HDAC4: variants seen among roughly 807,000 people sequenced by gnomAD.
The protein encoded by HDAC4 is histone deacetylase 4, also known as histone deacetylase A.
Under a neutral mutation model 135.1 loss-of-function variants are expected in HDAC4, and 16 were observed. The ratio of observed to expected loss-of-function variants is 0.12; its 90% CI spans 0.08 to 0.18. The LOEUF (loss-of-function observed/expected upper bound fraction) is 0.18, where lower values mean the gene tolerates loss of function less well. Among genes scored for constraint, HDAC4 ranks in the 10% least tolerant of loss-of-function variants. HDAC4 has a pLI of 1.00. For synonymous variants in HDAC4, 685 were observed against 653.4 expected (o/e 1.05, Z -0.74); for missense variants, 1,143 against 1,511.8 (o/e 0.76, Z 4.05).
chr2:239,083,181 G>T lies in HDAC4; in HGVS notation c.2533-960C>A, dbSNP rs2152691142. ...GGCAATATCACAGCTCAGCGCGCAG[G>T]GAGCACGCCACACAGGGTCTACGCA... On this transcript the variant is annotated intron_variant, in intron 20 of 26. Coordinates refer to ENST00000543185, the MANE Select transcript of HDAC4 (RefSeq NM_001378414.1). 2.0e-5 allele frequency among the ~76,000 whole-genome samples: 3 copies of T among 152,230 alleles called. No individual in the cohort carries two copies. In the Middle Eastern group the frequency reaches 0.01, roughly 518 times the overall value.
At chr2:239,125,372 G>C (rs6543512) in intron 12 of HDAC4, among the ~76,000 whole-genome samples, 2 of 152,012 alleles carry the variant, frequency 1.3e-5, no homozygotes, top group Non-Finnish European at 2.9e-5. Context: ...GCCTACCACA[G>C]TTGAATGTTT....
intron 1 of HDAC4, among the ~76,000 whole-genome samples, chr2:239,390,789 C>A (rs1280831978): frequency 6.6e-6 from 1 of 152,200 alleles, no homozygotes; most frequent in Admixed American, 6.5e-5. Context: ...CACCCAGCCA[C>A]GCAGCCTCCC....
chr2:239,088,532 A>G (rs2152714728), intron 18 of HDAC4, among the ~76,000 whole-genome samples: 1 of 152,302 alleles, frequency 6.6e-6, no homozygotes, highest in South Asian at 2.1e-4. Flanking sequence ...CGTAGTCCTG[A>G]GGCTCTATGT....
chr2:239,269,352 C>T (rs1350549948), intron 2 of HDAC4, among the ~76,000 whole-genome samples: 1 of 152,162 alleles, frequency 6.6e-6, no homozygotes, highest in Non-Finnish European at 1.5e-5. Context: ...CACACATCTA[C>T]ATACACGTGC....
chr2:239,121,952 T>C (rs1461751534), intron 12 of HDAC4, among the ~76,000 whole-genome samples: 2 of 152,182 alleles, frequency 1.3e-5, no homozygotes, highest in South Asian at 2.1e-4. Flanking sequence ...GGGCAAACAA[T>C]TGAAGCAGCT....
chr2:239,335,014 G>C (rs1431118869), intron 2 of HDAC4, among the ~76,000 whole-genome samples: 3 of 96,666 alleles, frequency 3.1e-5, no homozygotes, highest in Admixed American at 1.7e-4. Flanking sequence ...GACAGAGCAA[G>C]ACTCCATCTC....
intron 3 of HDAC4, among the ~76,000 whole-genome samples, chr2:239,196,838 T>C (rs1392276457): frequency 2.0e-5 from 3 of 152,262 alleles, no homozygotes; most frequent in East Asian, 3.9e-4. Context: ...AGTGGGGCCA[T>C]GTGGTCAACA....
intron 24 of HDAC4, chr2:239,055,042 A>AT: frequency 2.0e-6 from 1 of 495,380 alleles, no homozygotes; most frequent in Admixed American, 3.1e-5. Context: ...TTAGGACGCT[A>AT]TAAGATATTT....
intron 2 of HDAC4, among the ~76,000 whole-genome samples, chr2:239,346,975 CCT>C (rs1428700965): frequency 1.2e-5 from 1 of 85,678 alleles, no homozygotes; most frequent in Non-Finnish European, 3.2e-5. Flanking sequence ...ACACACGCAC[CCT>C]AACACACACA....
chr2:239,125,194 G>A (rs578207769), intron 12 of HDAC4, among the ~76,000 whole-genome samples: 19 of 152,358 alleles, frequency 1.2e-4, no homozygotes, highest in African/African-American at 4.1e-4. Context: ...GGCAGGAGGT[G>A]GCTGGATCAT....
chr2:239,324,677 A>G (rs1408546931), intron 2 of HDAC4, among the ~76,000 whole-genome samples: 1 of 152,182 alleles, frequency 6.6e-6, no homozygotes, highest in African/African-American at 2.4e-5. Flanking sequence ...ACAACTGGGA[A>G]CCCACGCTGC....
chr2:239,280,335 C>T (rs532262867), intron 2 of HDAC4, among the ~76,000 whole-genome samples: 54 of 152,168 alleles, frequency 3.5e-4, no homozygotes, highest in Non-Finnish European at 6.9e-4. Flanking sequence ...GCACATTTTG[C>T]CCCAAACTCC....
chr2:239,378,273 G>C (rs1322388008), intron 1 of HDAC4, among the ~76,000 whole-genome samples: 5 of 152,168 alleles, frequency 3.3e-5, no homozygotes, highest in Non-Finnish European at 7.4e-5. Context: ...GGCACATAAA[G>C]TCCAGCGGTG....
chr2:239,379,294 C>T (rs1040940404), intron 1 of HDAC4, among the ~76,000 whole-genome samples: 3 of 152,088 alleles, frequency 2.0e-5, no homozygotes, highest in African/African-American at 2.4e-5. Context: ...CTGGCTCCCG[C>T]GCAGGTGGGC....
At chr2:239,119,349 A>C (rs901771170) in intron 12 of HDAC4, among the ~76,000 whole-genome samples, 3 of 152,196 alleles carry the variant, frequency 2.0e-5, no homozygotes, top group Non-Finnish European at 4.4e-5. Flanking sequence ...AGCAGCCAGG[A>C]CGGGCCTTCA....
chr2:239,094,383 T>C lies in HDAC4; in HGVS notation c.2280+627A>G, dbSNP rs975040436. The C allele has an allele frequency of 1.2e-5, 12 of 985,268 alleles. No individual in the cohort carries two copies. The African/African-American group carries it at 1.9e-4, about 16-fold the overall frequency. 61.0% of individuals were successfully genotyped at this position (985,268 alleles called of 1,614,324 possible). A position where few individuals can be genotyped will look rare whatever the true frequency, so the allele number is the denominator to read the frequency against. On this transcript the variant is annotated intron_variant, in intron 17 of 26. Transcript: ENST00000543185. ...AGACTGGAAAGTCCTTGTGAACTTA[T>C]GCGCCCAGGCCAGGTCCATATCATC...
intron 11 of HDAC4, among the ~76,000 whole-genome samples, chr2:239,127,108 G>A (rs1476613842): frequency 1.3e-5 from 2 of 152,242 alleles, no homozygotes; most frequent in African/African-American, 4.8e-5. Flanking sequence ...GAGGAAGGCT[G>A]CCACGGTTCT....
intron 8 of HDAC4, among the ~76,000 whole-genome samples, chr2:239,142,991 C>T (rs2041502508): frequency 1.3e-5 from 2 of 151,600 alleles, no homozygotes; most frequent in Non-Finnish European, 2.9e-5. Context: ...CAGCACTGAT[C>T]AGGCCCTGTC....
At chr2:239,359,903 G>A (rs1235032936) in intron 1 of HDAC4, among the ~76,000 whole-genome samples, 2 of 152,172 alleles carry the variant, frequency 1.3e-5, no homozygotes, top group East Asian at 1.9e-4. Flanking sequence ...TCTGGAAACC[G>A]GCGAGAACAC....
Sources: allele counts gnomAD v4.1 joint callset (sites outside exome capture counted in the v4.1 genomes callset), GRCh38; gene constraint gnomAD v4.1.1; transcripts MANE v1.5; gene names NCBI Gene and HGNC (gene_info 2026-07-23, HGNC 2026-07-21).